The following MLXIPL variants were observed in gnomAD, a reference collection of about 807,000 sequenced individuals.
The protein encoded by MLXIPL is MLX interacting protein like, also known as carbohydrate-responsive element-binding protein.
MLXIPL carries 49 observed loss-of-function variants against 81.5 expected under a neutral mutation model. The ratio of observed to expected loss-of-function variants is 0.60; its 90% CI spans 0.48 to 0.76. MLXIPL has a LOEUF of 0.76. MLXIPL is among the 30% of genes least tolerant of loss of function. MLXIPL has a pLI of 0.00. For missense variants in MLXIPL, 1,053 were observed against 1,167.0 expected, an observed-to-expected ratio of 0.90 and a Z score of 1.42; for synonymous variants, 466 against 485.5, an observed-to-expected ratio of 0.96 and a Z score of 0.53.
chr7:73,643,438 C>T, the MLXIPL span, among the ~76,000 whole-genome samples: 5 of 150,502 alleles, frequency 3.3e-5, no homozygotes, highest in Admixed American at 6.7e-5. Context: ...GGCGTGAACC[C>T]GGGAGGCGGA....
In MLXIPL at chr7:73,596,238, T is replaced by C; in HGVS notation, c.1973A>G (p.Glu658Gly). 6.2e-7 allele frequency: 1 copy of C among 1,611,326 alleles called. No individual in the cohort carries two copies. The highest frequency in any genetic ancestry group is 8.5e-7 in the Non-Finnish European group (1 of 1,179,692). ...ENRRITHISA[E>G]QKRRFNIKLG... ...CTTGATGTTGAAGCGCCGCTTCTGC[T>C]CCGCGGAGATGTGTGTGATACGCCG... The change falls in exon 13 of 17, where the codon GAG becomes GGG. Residue 658 changes from glutamate (E) to glycine (G), a missense_variant. Glu to Gly is a moderately conservative substitution (Grantham distance 98, BLOSUM62 -2). Transcript: ENST00000313375. The surrounding 1 kb of genome is among the most constrained non-coding windows in gnomAD (Gnocchi z 4.7).
In MLXIPL at chr7:73,596,450, T is replaced by C; in HGVS notation, c.1852A>G (p.Ser618Gly). The part of the protein sequence containing the change: ...GSERRLSGDL[S>G]SMPGPGTLSV... Reference sequence around the variant, plus strand: ...AGAGTCCCAGGGCCTGGCATGGAGCTGAGGTCCCCTGACAGCCGCCGTTCA... The same window carrying C: ...AGAGTCCCAGGGCCTGGCATGGAGCCGAGGTCCCCTGACAGCCGCCGTTCA... The change falls in exon 12 of 17, where the codon AGC becomes GGC. Residue 618 changes from serine (S) to glycine (G), a missense_variant. Ser to Gly is a moderately conservative substitution (Grantham distance 56). Transcript: ENST00000313375. This position sits in a 1 kb window ranked among gnomAD's most constrained non-coding sequence, Gnocchi z 4.7. The C allele has an allele frequency of 1.2e-6, 2 of 1,612,734 alleles. No individual in the cohort carries two copies. The highest frequency in any genetic ancestry group is 1.7e-6 in the Non-Finnish European group (2 of 1,179,946).
At chr7:73,620,199 T>C (rs1158549481) in intron 1 of MLXIPL, among the ~76,000 whole-genome samples, 1 of 147,504 alleles carries the variant, frequency 6.8e-6, no homozygotes, top group African/African-American at 2.5e-5. Context: ...AGGTCAGGAG[T>C]TCAAGACCAG....
At chr7:73,610,945 T>C (rs1795652223) in intron 2 of MLXIPL, 2 of 151,942 alleles carry the variant, frequency 1.3e-5, no homozygotes, top group African/African-American at 2.4e-5. Context: ...TGCCTCAGCC[T>C]GCCTAGTAGC....
Position 73,596,828 on chromosome 7 carries a change from T to C in MLXIPL, c.1671+37A>G. On this transcript the variant is annotated intron_variant, in intron 10 of 16. Coordinates refer to ENST00000313375, the MANE Select transcript of MLXIPL (RefSeq NM_032951.3). This position sits in a 1 kb window ranked among gnomAD's most constrained non-coding sequence, Gnocchi z 4.7. ...GGGCGGAGAGTCGGGTTGAAGGCCGTGGGCACAGCCCCACCGCCCAGTGCC... is the reference window on the plus strand; with the variant it reads ...GGGCGGAGAGTCGGGTTGAAGGCCGCGGGCACAGCCCCACCGCCCAGTGCC... 1 of 1,608,820 alleles carries C rather than the reference T, an allele frequency of 6.2e-7. No homozygotes were observed.
At chr7:73,618,572 G>T (rs1796132477) in intron 1 of MLXIPL, among the ~76,000 whole-genome samples, 1 of 151,914 alleles carries the variant, frequency 6.6e-6, no homozygotes, top group South Asian at 2.1e-4. Flanking sequence ...TTTGCTTTGG[G>T]GTGGGGGTGG....
intron 2 of MLXIPL, 43 bp downstream of exon 2, chr7:73,616,028 G>T: frequency 6.5e-7 from 1 of 1,533,818 alleles, no homozygotes; most frequent in Non-Finnish European, 9.0e-7. Flanking sequence ...GGGTTGGAGG[G>T]GGCAGTCCCT....
chr7:73,625,682 G>A (rs1178577253), upstream of MLXIPL, among the ~76,000 whole-genome samples: 6 of 152,072 alleles, frequency 3.9e-5, no homozygotes, highest in African/African-American at 7.2e-5. Flanking sequence ...AATCACATGA[G>A]CCCAAGAGGT....
chr7:73,617,971 T>TGCTA (rs782651747), intron 1 of MLXIPL, among the ~76,000 whole-genome samples: 11 of 152,196 alleles, frequency 7.2e-5, no homozygotes, highest in Non-Finnish European at 1.3e-4. Context: ...TTAGACCCCC[T>TGCTA]GCTAGTCTCT....
chr7:73,624,572 A>G (rs1796608270), upstream of MLXIPL: 8 of 1,441,874 alleles, frequency 5.5e-6, no homozygotes, highest in South Asian at 1.1e-4. Flanking sequence ...CCTCATTAAC[A>G]TAGCCCCGCC....
the MLXIPL span, among the ~76,000 whole-genome samples, chr7:73,633,835 C>G: frequency 2.0e-5 from 3 of 152,112 alleles, no homozygotes; most frequent in Non-Finnish European, 4.4e-5. Context: ...TTTCACTGAC[C>G]CCTCAGCTCC....
intron 7 of MLXIPL, among the ~76,000 whole-genome samples, chr7:73,605,469 G>A (rs544190017): frequency 1.5e-4 from 23 of 152,310 alleles, no homozygotes; most frequent in African/African-American, 5.3e-4. Context: ...GCTGAGGCGG[G>A]AGGATCACTT....
intron 1 of MLXIPL, among the ~76,000 whole-genome samples, 176 bp downstream of exon 1, chr7:73,624,024 T>G (rs980752914): frequency 2.0e-5 from 3 of 150,962 alleles, no homozygotes; most frequent in Non-Finnish European, 4.4e-5. Flanking sequence ...TGGGCCGCTG[T>G]AGGAGGACCT....
At chr7:73,604,287 A>T (rs1795115257) in intron 7 of MLXIPL, among the ~76,000 whole-genome samples, 1 of 149,106 alleles carries the variant, frequency 6.7e-6, no homozygotes, top group African/African-American at 2.5e-5. Context: ...CTTTAAAATA[A>T]CGCACTGGGC....
Position 73,597,264 on chromosome 7 carries a change from G to A in MLXIPL, c.1521C>T (p.Pro507=). The change falls in exon 9 of 17, where the codon CCC becomes CCT. Residue 507 remains proline (P), a synonymous_variant. Transcript: ENST00000313375. Reference sequence around the variant, plus strand: ...TGGCAGTGGCAGGGGCTAAGGTAGGGGGGCTGGCTTTCTGTCCCCTAGGGG... The same window carrying A: ...TGGCAGTGGCAGGGGCTAAGGTAGGAGGGCTGGCTTTCTGTCCCCTAGGGG... ...APSPRGQKAS[P]PTLAPATASP... The A allele has an allele frequency of 1.9e-6, 3 of 1,593,044 alleles. No homozygotes were observed. The highest frequency in any genetic ancestry group is 2.3e-5 in the South Asian group (2 of 88,410).
chr7:73,595,884 T>G lies in MLXIPL; in HGVS notation c.2144A>C (p.Gln715Pro), dbSNP rs782815222. Residue 715 changes from glutamine (Q) to proline (P), a missense_variant, in exon 14 of 17, where the codon CAG becomes CCG. By Grantham distance (76) the Gln-to-Pro change is moderately conservative. This residue lies in a region of MLXIPL where 823 missense variants were observed against 933.0 expected (regional missense o/e 0.88). Coordinates refer to ENST00000313375, the MANE Select transcript of MLXIPL (RefSeq NM_032951.3). Reference sequence around the variant, plus strand: ...CTCCTCAATCTCATCCCGCAGCTGCTGGGCCTCCTCCTGCAAGCCCGCACG... The same window carrying G: ...CTCCTCAATCTCATCCCGCAGCTGCGGGGCCTCCTCCTGCAAGCCCGCACG... ...QERAGLQEEA[Q>P]QLRDEIEELN... is the part of the protein sequence containing the mutation. 6.2e-7 allele frequency: 1 copy of G among 1,612,558 alleles called. No homozygotes were observed. The highest frequency in any genetic ancestry group is 1.1e-5 in the South Asian group (1 of 90,886).
chr7:73,607,364 T>C lies in MLXIPL; in HGVS notation c.540A>G (p.Glu180=). The part of the protein sequence containing the change: ...WKRRIEVVMR[E]YHKWRIYYKK... Reference sequence around the variant, plus strand: ...TGTAGTAGATGCGCCACTTGTGGTATTCCCGCATCACCACCTCGATGCGCC... The same window carrying C: ...TGTAGTAGATGCGCCACTTGTGGTACTCCCGCATCACCACCTCGATGCGCC... The change falls in exon 4 of 17, where the codon GAA becomes GAG. Residue 180 remains glutamate (E), a synonymous_variant. Transcript: ENST00000313375. The C allele has an allele frequency of 3.2e-6, 5 of 1,567,824 alleles. No individual in the cohort carries two copies. Among genetic ancestry groups the C allele is most frequent in the Non-Finnish European group, 4.3e-6 (5 of 1,155,932 alleles).
chr7:73,632,580 C>T, the MLXIPL span, among the ~76,000 whole-genome samples: 2 of 152,116 alleles, frequency 1.3e-5, no homozygotes, highest in Non-Finnish European at 2.9e-5. Context: ...AGGGCCCAGC[C>T]CTGTTCCCCT....
chr7:73,624,267 C>A lies in MLXIPL; in HGVS notation c.226G>T (p.Asp76Tyr), dbSNP rs1554603018. Residue 76 changes from aspartate (D) to tyrosine (Y), a missense_variant, in exon 1 of 17, where the codon GAC becomes TAC. This residue lies in a region of MLXIPL where 226 missense variants were observed against 216.2 expected (regional missense o/e 1.05). Transcript: ENST00000313375. ...RDQEGSVGPS[D>Y]FGPRSIDPTL... ...GGGTCGATACTGCGCGGCCCGAAGTCGGAGGGCCCCACGGACCCCTCCTGG... is the reference window on the plus strand; with the variant it reads ...GGGTCGATACTGCGCGGCCCGAAGTAGGAGGGCCCCACGGACCCCTCCTGG... 6.3e-7 allele frequency: 1 copy of A among 1,592,746 alleles called. No homozygotes were observed. Among genetic ancestry groups the A allele is most frequent in the South Asian group, 1.1e-5 (1 of 87,980 alleles).
Sources: gnomAD v4.1 joint callset for allele counts (sites outside exome capture counted in the v4.1 genomes callset) on GRCh38, gnomAD v4.1.1 for gene constraint, gnomAD v4.1.1 regional missense constraint, Gnocchi (gnomAD v3.1) non-coding constraint, MANE v1.5 for transcripts, NCBI Gene and HGNC (gene_info 2026-07-23, HGNC 2026-07-21) for gene names.